MYO3B: variants seen among roughly 807,000 people sequenced by gnomAD.
The protein encoded by MYO3B is myosin-IIIb.
A neutral mutation model predicts 174.6 loss-of-function variants in MYO3B; 156 were observed. The observed-to-expected ratio is 0.89, with a 90% confidence interval of 0.78 to 1.02. The LOEUF (loss-of-function observed/expected upper bound fraction) is 1.02, where lower values mean the gene tolerates loss of function less well. Among genes scored for constraint, MYO3B ranks in the 50% least tolerant of loss-of-function variants. The probability of loss-of-function intolerance (pLI) is 0.00; values close to 1 mark genes in which losing one functional copy is unlikely to be tolerated. For synonymous variants in MYO3B, 563 were observed against 569.1 expected (o/e 0.99, Z 0.15); for missense variants, 1,632 against 1,639.4 (o/e 1.00, Z 0.08).
At chr2:170,546,038 C>T (rs1690458103) in intron 32 of MYO3B, among the ~76,000 whole-genome samples, 1 of 152,168 alleles carries the variant, frequency 6.6e-6, no homozygotes, top group Non-Finnish European at 1.5e-5. Flanking sequence ...GCTTCAGAAT[C>T]TCCAAACTAT....
chr2:170,322,918 GATCTGATGGTACA>G (rs973961762), intron 7 of MYO3B, among the ~76,000 whole-genome samples: 1 of 152,144 alleles, frequency 6.6e-6, no homozygotes, highest in African/African-American at 2.4e-5. Flanking sequence ...AATGTGGTAG[GATCTGATGGTACA>G]ATCTGTTCAT....
At chr2:170,330,624 C>T (rs2093905076) in intron 7 of MYO3B, among the ~76,000 whole-genome samples, 1 of 152,186 alleles carries the variant, frequency 6.6e-6, no homozygotes, top group Admixed American at 6.6e-5. Flanking sequence ...CTCCTTCTGT[C>T]TCTGACCCAC....
At chr2:170,489,877 T>C (rs1686345341) in intron 25 of MYO3B, among the ~76,000 whole-genome samples, 1 of 152,108 alleles carries the variant, frequency 6.6e-6, no homozygotes, top group African/African-American at 2.4e-5. Context: ...ACATGATATC[T>C]CTCTCCATTT....
chr2:170,595,368 A>G (rs936385361), intron 32 of MYO3B, among the ~76,000 whole-genome samples: 3 of 151,950 alleles, frequency 2.0e-5, no homozygotes, highest in Non-Finnish European at 2.9e-5. Context: ...AGAAGCCATT[A>G]TTAGCCTCAT....
At chr2:170,279,222 T>C (rs371322939) in intron 7 of MYO3B, among the ~76,000 whole-genome samples, 1 of 152,296 alleles carries the variant, frequency 6.6e-6, no homozygotes, top group South Asian at 2.1e-4. Context: ...TTTTCCCTAA[T>C]GGCTGTTCTA....
chr2:170,619,734 A>ATTGTTTTTTTTTTTT (rs1553539465), intron 32 of MYO3B, among the ~76,000 whole-genome samples: 1 of 33,520 alleles, frequency 3.0e-5, no homozygotes, highest in Admixed American at 3.6e-4. Context: ...CTGCTGCCAT[A>ATTGTTTTTTTTTTTT]TTCTTTTTTT....
chr2:170,209,105 T>G (rs1221736227), intron 3 of MYO3B, among the ~76,000 whole-genome samples: 1 of 152,210 alleles, frequency 6.6e-6, no homozygotes, highest in Admixed American at 6.5e-5. Flanking sequence ...AAGTCGAGCT[T>G]GACTCCTTAA....
intron 3 of MYO3B, among the ~76,000 whole-genome samples, chr2:170,207,978 C>T (rs1235730983): frequency 6.6e-6 from 1 of 152,086 alleles, no homozygotes; most frequent in Non-Finnish European, 1.5e-5. Flanking sequence ...TGGGAGTATC[C>T]ACTCTTACCC....
chr2:170,422,576 T>TG (rs568071314), intron 22 of MYO3B, among the ~76,000 whole-genome samples: 40 of 151,854 alleles, frequency 2.6e-4, no homozygotes, highest in African/African-American at 9.2e-4. Flanking sequence ...CTCCTGCCTC[T>TG]GCCTCCCAAG....
intron 18 of MYO3B, 106 bp downstream of exon 18, chr2:170,401,797 T>TTTTTC (rs1226510775): frequency 6.9e-5 from 67 of 975,372 alleles, no homozygotes; most frequent in East Asian, 2.4e-4. Context: ...ATTTTCTTTC[T>TTTTTC]TTTTCTTTTT....
chr2:170,449,995 C>G (rs900734664), intron 23 of MYO3B, among the ~76,000 whole-genome samples: 1 of 152,138 alleles, frequency 6.6e-6, no homozygotes, highest in Non-Finnish European at 1.5e-5. Context: ...AGGATCAAAA[C>G]AAGACAACTG....
At chr2:170,378,506 A>C (rs985340673) in intron 9 of MYO3B, among the ~76,000 whole-genome samples, 1 of 152,224 alleles carries the variant, frequency 6.6e-6, no homozygotes, top group Non-Finnish European at 1.5e-5. Flanking sequence ...TAAAATTTTT[A>C]AAAAGTTATT....
chr2:170,203,493 G>A (rs2092683725), intron 3 of MYO3B, among the ~76,000 whole-genome samples: 1 of 124,316 alleles, frequency 8.0e-6, no homozygotes, highest in Non-Finnish European at 1.5e-5. Context: ...AGCAAAAGGG[G>A]GCGGCGGGGG....
intron 8 of MYO3B, among the ~76,000 whole-genome samples, chr2:170,362,844 G>A (rs1356587): frequency 0.92 from 139,956 of 152,308 alleles, 64,605 homozygotes; most frequent in Non-Finnish European, 0.97. Flanking sequence ...ACCATACACA[G>A]CATCAAGTTT....
At chr2:170,497,829 C>T (rs1341356454) in intron 25 of MYO3B, among the ~76,000 whole-genome samples, 4 of 150,986 alleles carry the variant, frequency 2.6e-5, no homozygotes, top group Admixed American at 1.3e-4. Context: ...CTTGTAATCC[C>T]AGCTACTCGG....
intron 32 of MYO3B, among the ~76,000 whole-genome samples, chr2:170,593,219 T>G (rs1575214230): frequency 6.6e-6 from 1 of 152,226 alleles, no homozygotes; most frequent in Middle Eastern, 3.4e-3. Flanking sequence ...CACCTCAGCA[T>G]CCCAAGTGAC....
chr2:170,555,314 G>A (rs941237543), intron 32 of MYO3B, among the ~76,000 whole-genome samples: 2 of 152,022 alleles, frequency 1.3e-5, no homozygotes. Flanking sequence ...TGTTTGTGCT[G>A]TACGTTCTGT....
chr2:170,441,932 A>T (rs2094803816), intron 22 of MYO3B, among the ~76,000 whole-genome samples: 1 of 152,102 alleles, frequency 6.6e-6, no homozygotes, highest in Non-Finnish European at 1.5e-5. Flanking sequence ...TCATCCTGTG[A>T]CTAAGAATGC....
intron 6 of MYO3B, among the ~76,000 whole-genome samples, chr2:170,226,150 C>T (rs937955924): frequency 2.5e-4 from 38 of 152,260 alleles, no homozygotes; most frequent in African/African-American, 7.9e-4. Flanking sequence ...TTCCATTTTA[C>T]CTGGCTCTGT....
Sources: gnomAD v4.1 joint callset for allele counts (sites outside exome capture counted in the v4.1 genomes callset) on GRCh38, gnomAD v4.1.1 for gene constraint, MANE v1.5 for transcripts, NCBI Gene and HGNC (gene_info 2026-07-23, HGNC 2026-07-21) for gene names.